RSU1: variants seen among roughly 807,000 people sequenced by gnomAD.
RSU1 encodes the protein rsu-1.
RSU1 carries 26 observed loss-of-function variants against 31.1 expected under a neutral mutation model. The observed-to-expected ratio is 0.84, with a 90% CI of 0.61 to 1.16. The LOEUF (loss-of-function observed/expected upper bound fraction) is 1.16. RSU1 is among the 50% of genes most tolerant of loss of function. The pLI is 0.00. For missense variants in RSU1, 320 were observed against 339.1 expected (o/e 0.94, Z 0.44); for synonymous variants, 164 against 136.3 (o/e 1.20, Z -1.41).
In RSU1 at chr10:16,804,519, G is replaced by GAAA. The variant is rs1419674562; in HGVS notation, c.109+12453_109+12454insTTT. On this transcript the variant is annotated intron_variant, in intron 2 of 8. Coordinates refer to ENST00000345264, the MANE Select transcript of RSU1 (RefSeq NM_012425.4). ...TCTATACAAAAATCTGCACAACAAT[G>GAAA]TTTACACCAGCTTTATTCATAATTG... is the stretch of plus-strand genomic sequence containing the variant. 2.2e-4 allele frequency among the ~76,000 whole-genome samples: 34 copies of GAAA among 152,182 alleles called. 1 individual carries two copies. The highest frequency in any genetic ancestry group is 2.0e-3 in the Admixed American group (31 of 15,276).
chr10:16,731,481 T>A (rs1836511046), intron 7 of RSU1, among the ~76,000 whole-genome samples: 1 of 152,030 alleles, frequency 6.6e-6, no homozygotes, highest in African/African-American at 2.4e-5. Context: ...ACTAACCTTT[T>A]CTGAGTTCCT....
intron 8 of RSU1, among the ~76,000 whole-genome samples, chr10:16,630,583 A>C (rs1207048346): frequency 6.6e-6 from 1 of 152,204 alleles, no homozygotes; most frequent in East Asian, 1.9e-4. Context: ...TGATGCTCAA[A>C]GCTGGCATTA....
chr10:16,592,316 C>G lies in RSU1; in HGVS notation c.*1078G>C, dbSNP rs1186100620. ...TGTGTCGGCCTTCTGGGGTTGACAG[C>G]CCTTTCAGTGAGCACAAAACCTCAG... On this transcript the variant is annotated 3_prime_UTR_variant, in exon 9 of 9. Coordinates refer to ENST00000345264, the MANE Select transcript of RSU1 (RefSeq NM_012425.4). The G allele has an allele frequency of 6.6e-6, 1 of 152,138 alleles. No individual in the cohort carries two copies. The highest frequency in any genetic ancestry group is 1.5e-5 in the Non-Finnish European group (1 of 68,040). The allele number at this position is 152,138 out of a possible 1,614,324, so 9.4% of individuals were successfully genotyped here.
intron 7 of RSU1, among the ~76,000 whole-genome samples, chr10:16,709,756 G>A (rs567571187): frequency 7.9e-5 from 12 of 152,278 alleles, no homozygotes; most frequent in Admixed American, 3.3e-4. Flanking sequence ...GTGATGATGA[G>A]CATTTTTTCA....
intron 2 of RSU1, among the ~76,000 whole-genome samples, chr10:16,802,314 T>C (rs1838173993): frequency 6.6e-6 from 1 of 151,960 alleles, no homozygotes; most frequent in African/African-American, 2.4e-5. Flanking sequence ...TCCAAAAATG[T>C]TATAACTTAG....
At chr10:16,697,620 C>T (rs1396862771) in intron 7 of RSU1, among the ~76,000 whole-genome samples, 4 of 150,218 alleles carry the variant, frequency 2.7e-5, no homozygotes, top group African/African-American at 9.9e-5. Flanking sequence ...GCCGAAATGG[C>T]ACCACTGCAC....
chr10:16,753,172 A>G (rs996806053), intron 5 of RSU1, among the ~76,000 whole-genome samples, 172 bp from the exon 6 acceptor site: 1 of 152,186 alleles, frequency 6.6e-6, no homozygotes, highest in Non-Finnish European at 1.5e-5. Context: ...TTACTGGCTT[A>G]TTGTGTAGCT....
intron 8 of RSU1, among the ~76,000 whole-genome samples, chr10:16,630,512 G>A (rs772389638): frequency 6.6e-6 from 1 of 152,196 alleles, no homozygotes; most frequent in African/African-American, 2.4e-5. Context: ...GCTCCATGAA[G>A]TATCTGCCTG....
chr10:16,623,442 C>A (rs1483434481), intron 8 of RSU1, among the ~76,000 whole-genome samples: 1 of 152,140 alleles, frequency 6.6e-6, no homozygotes, highest in South Asian at 2.1e-4. Flanking sequence ...CCGATGGGCA[C>A]CCAGGTTGAT....
intron 8 of RSU1, among the ~76,000 whole-genome samples, chr10:16,672,761 A>T (rs1180346977): frequency 6.6e-6 from 1 of 152,224 alleles, no homozygotes; most frequent in Non-Finnish European, 1.5e-5. Flanking sequence ...TGGTTTATAC[A>T]TGGGCATAAA....
intron 8 of RSU1, among the ~76,000 whole-genome samples, chr10:16,691,698 C>T (rs1381407194): frequency 1.3e-5 from 2 of 148,492 alleles, no homozygotes; most frequent in African/African-American, 4.9e-5. Context: ...AATGGCTCTC[C>T]GGTGCTTACT....
chr10:16,670,041 C>T (rs1256246689), intron 8 of RSU1, among the ~76,000 whole-genome samples: 1 of 152,076 alleles, frequency 6.6e-6, no homozygotes, highest in African/African-American at 2.4e-5. Flanking sequence ...ATCTTTTCTC[C>T]CAAATTATAA....
chr10:16,808,496 AAAAAAAAAAAC>A (rs1315137562), intron 2 of RSU1, among the ~76,000 whole-genome samples: 3 of 151,148 alleles, frequency 2.0e-5, no homozygotes, highest in East Asian at 2.0e-4. Flanking sequence ...AAAAAAAAAA[AAAAAAAAAAAC>A]AAAGTGAACT....
chr10:16,709,174 T>A (rs561104186), intron 7 of RSU1, among the ~76,000 whole-genome samples: 3 of 132,756 alleles, frequency 2.3e-5, no homozygotes, highest in African/African-American at 8.5e-5. Context: ...GGCCCCAGAG[T>A]GTGATGTTCC....
At chr10:16,665,491 A>T (rs946202109) in intron 8 of RSU1, among the ~76,000 whole-genome samples, 1 of 152,212 alleles carries the variant, frequency 6.6e-6, no homozygotes, top group African/African-American at 2.4e-5. Context: ...AATAATACTC[A>T]AAGCAAACAT....
intron 8 of RSU1, among the ~76,000 whole-genome samples, chr10:16,680,847 A>C (rs1035758996): frequency 8.5e-5 from 13 of 152,220 alleles, no homozygotes; most frequent in Admixed American, 5.2e-4. Flanking sequence ...ATGAAACAAC[A>C]AAACAAAACA....
intron 2 of RSU1, among the ~76,000 whole-genome samples, chr10:16,804,070 A>G (rs1429900767): frequency 1.6e-4 from 25 of 152,194 alleles, no homozygotes; most frequent in East Asian, 1.5e-3. Flanking sequence ...ATTTGTTAAC[A>G]CACATATCTG....
chr10:16,622,167 C>G (rs1834081687), intron 8 of RSU1, among the ~76,000 whole-genome samples: 1 of 152,144 alleles, frequency 6.6e-6, no homozygotes, highest in Non-Finnish European at 1.5e-5. Context: ...CAAAATACCT[C>G]CCCTGAAAAA....
chr10:16,639,666 T>C (rs1456950669), intron 8 of RSU1, among the ~76,000 whole-genome samples: 11 of 152,246 alleles, frequency 7.2e-5, no homozygotes, highest in African/African-American at 2.4e-4. Flanking sequence ...TGAAATTTTA[T>C]TGCCAAAGAC....
Sources: gnomAD v4.1 joint callset for allele counts (sites outside exome capture counted in the v4.1 genomes callset) on GRCh38, gnomAD v4.1.1 for gene constraint, MANE v1.5 for transcripts, NCBI Gene and HGNC (gene_info 2026-07-23, HGNC 2026-07-21) for gene names.